The following TMEM178B variants were observed in gnomAD, a reference collection of about 807,000 sequenced individuals.
The protein encoded by TMEM178B is transmembrane protein 178B.
In TMEM178B, 5 loss-of-function variants were observed where a neutral mutation model predicts 31.0. That is an observed-to-expected ratio of 0.16 (90% CI 0.08 to 0.34). TMEM178B has a LOEUF of 0.34. TMEM178B is among the 10% of genes least tolerant of loss of function. The probability of loss-of-function intolerance (pLI) is 1.00; values close to 1 mark genes in which losing one functional copy is unlikely to be tolerated. For missense variants in TMEM178B, 275 were observed against 400.3 expected, an observed-to-expected ratio of 0.69 and a Z score of 2.67; for synonymous variants, 164 against 164.0, an observed-to-expected ratio of 1.00 and a Z score of 0.00.
At chr7:141,349,525 T>C (rs558447665) in intron 2 of TMEM178B, among the ~76,000 whole-genome samples, 72 of 152,288 alleles carry the variant, frequency 4.7e-4, no homozygotes, top group Admixed American at 2.2e-3. Flanking sequence ...GGTGCTTGGG[T>C]TGCAGCAATG....
intron 2 of TMEM178B, among the ~76,000 whole-genome samples, chr7:141,274,193 A>G (rs1354794085): frequency 6.6e-6 from 1 of 152,202 alleles, no homozygotes; most frequent in Non-Finnish European, 1.5e-5. Context: ...ACCACCTGAC[A>G]TTATAAATGG....
At chr7:141,394,079 C>T (rs147637392) in intron 2 of TMEM178B, among the ~76,000 whole-genome samples, 4 of 151,742 alleles carry the variant, frequency 2.6e-5, no homozygotes, top group East Asian at 1.9e-4. Flanking sequence ...GTCCTGATGA[C>T]GTGCAGTTGG....
At chr7:141,350,042 T>C (rs540053632) in intron 2 of TMEM178B, among the ~76,000 whole-genome samples, 1 of 152,246 alleles carries the variant, frequency 6.6e-6, no homozygotes, top group East Asian at 1.9e-4. Context: ...CATCCATCTA[T>C]CCATCCATCT....
At chr7:141,149,282 T>G (rs911491692) in intron 1 of TMEM178B, among the ~76,000 whole-genome samples, 2 of 152,140 alleles carry the variant, frequency 1.3e-5, no homozygotes, top group Non-Finnish European at 2.9e-5. Flanking sequence ...TTAGGCCAGG[T>G]GCAGTGGCTC....
chr7:141,421,670 G>T (rs1386782367), intron 2 of TMEM178B, among the ~76,000 whole-genome samples: 1 of 152,130 alleles, frequency 6.6e-6, no homozygotes, highest in Admixed American at 6.5e-5. Flanking sequence ...ATGTGACAAT[G>T]TATAGAAAAT....
intron 2 of TMEM178B, among the ~76,000 whole-genome samples, chr7:141,320,822 A>G (rs1447119645): frequency 6.6e-6 from 1 of 152,180 alleles, no homozygotes; most frequent in African/African-American, 2.4e-5. Context: ...GCTCAAGGTC[A>G]TACAGGTAAT....
At chr7:141,128,824 TCTC>T (rs766604423) in intron 1 of TMEM178B, among the ~76,000 whole-genome samples, 32 of 152,138 alleles carry the variant, frequency 2.1e-4, no homozygotes, top group Non-Finnish European at 3.7e-4. Flanking sequence ...ATTAGCCTCT[TCTC>T]CTCTGCTGTT....
intron 1 of TMEM178B, among the ~76,000 whole-genome samples, chr7:141,162,390 G>A (rs1658632826): frequency 6.6e-6 from 1 of 152,170 alleles, no homozygotes; most frequent in Non-Finnish European, 1.5e-5. Flanking sequence ...TGCTGGTTCC[G>A]GATGCTGCCC....
At chr7:141,455,546 G>A (rs1031139023) in intron 3 of TMEM178B, among the ~76,000 whole-genome samples, 1 of 152,198 alleles carries the variant, frequency 6.6e-6, no homozygotes, top group Non-Finnish European at 1.5e-5. Flanking sequence ...CTAAAGCATG[G>A]GTTTGAATCC....
At chr7:141,298,150 G>A (rs1464778022) in intron 2 of TMEM178B, among the ~76,000 whole-genome samples, 1 of 152,158 alleles carries the variant, frequency 6.6e-6, no homozygotes, top group African/African-American at 2.4e-5. Context: ...TTGCATAAAT[G>A]TCTTCTTTTG....
chr7:141,100,171 G>T (rs1490906370), intron 1 of TMEM178B, among the ~76,000 whole-genome samples: 1 of 151,544 alleles, frequency 6.6e-6, no homozygotes, highest in Non-Finnish European at 1.5e-5. Flanking sequence ...GGCAGTTTTA[G>T]AATAAGCAGA....
chr7:141,459,946 G>GAAAAAAAAAA (rs772210040), intron 3 of TMEM178B, among the ~76,000 whole-genome samples: 1 of 116,968 alleles, frequency 8.5e-6, no homozygotes. Context: ...AATAGATGGA[G>GAAAAAAAAAA]AAAAAAAAAA....
At chr7:141,459,614 G>A (rs1486233549) in intron 3 of TMEM178B, among the ~76,000 whole-genome samples, 1 of 152,230 alleles carries the variant, frequency 6.6e-6, no homozygotes, top group Non-Finnish European at 1.5e-5. Context: ...TCAGGACTAG[G>A]ATTAGAACAT....
At chr7:141,128,125 C>A (rs1586785122) in intron 1 of TMEM178B, among the ~76,000 whole-genome samples, 2 of 152,136 alleles carry the variant, frequency 1.3e-5, no homozygotes. Flanking sequence ...TACTTGGACA[C>A]CCTTGAGAAT....
intron 1 of TMEM178B, among the ~76,000 whole-genome samples, chr7:141,138,275 A>T (rs1563097502): frequency 6.6e-6 from 1 of 151,920 alleles, no homozygotes; most frequent in Non-Finnish European, 1.5e-5. Flanking sequence ...GTTAGCCAGG[A>T]TGGTCTCGAT....
At chr7:141,340,024 G>A (rs1799490022) in intron 2 of TMEM178B, among the ~76,000 whole-genome samples, 1 of 152,382 alleles carries the variant, frequency 6.6e-6, no homozygotes, top group South Asian at 2.1e-4. Flanking sequence ...TGTCAAGATA[G>A]CCACACCTTA....
Position 141,333,391 on chromosome 7 carries a change from A to G in TMEM178B, c.497-104217A>G, listed in dbSNP as rs188700500. ...AATCTCTTATTTGGCTTTTCTGCCT[A>G]TGAAACCAAATGCTCCCACACAATC... On this transcript the variant is annotated intron_variant, in intron 2 of 3. Coordinates refer to ENST00000565468, the MANE Select transcript of TMEM178B (RefSeq NM_001195278.2). Among the ~76,000 whole-genome samples the G allele has an allele frequency of 4.9e-3, 746 of 152,306 alleles. 28 individuals carry two copies. Among genetic ancestry groups the G allele is most frequent in the Admixed American group, 0.044 (671 of 15,302 alleles).
At position 141,101,908 on chromosome 7, in the gene TMEM178B, C is replaced by CGTGTGT. The variant is rs3032868; in HGVS notation, c.382+27245_382+27250dup. Among the ~76,000 whole-genome samples the CGTGTGT allele has an allele frequency of 6.7e-3, 955 of 142,788 alleles. 6 individuals are homozygous for CGTGTGT. The highest frequency in any genetic ancestry group is 0.013 in the African/African-American group (516 of 39,380). The allele number at this position is 142,788 out of a possible 152,430, so 93.7% of individuals were successfully genotyped here. Reference sequence around the variant, plus strand: ...CAGGTGCCTGGATAGTGTGTGTTAACGTGTGTGTGTGTGTGTGTGTGTGTG... The same window carrying CGTGTGT: ...CAGGTGCCTGGATAGTGTGTGTTAACGTGTGTGTGTGTGTGTGTGTGTGTGTGTGTG... On this transcript the variant is annotated intron_variant, in intron 1 of 3. Coordinates refer to ENST00000565468, the MANE Select transcript of TMEM178B (RefSeq NM_001195278.2).
rs904421739 is a variant in TMEM178B, at chr7:141,479,888, C to T, written c.*9102C>T. The T allele has an allele frequency of 6.6e-6, 1 of 152,128 alleles. No homozygotes were observed. Among genetic ancestry groups the T allele is most frequent in the African/African-American group, 2.4e-5 (1 of 41,408 alleles). The allele number at this position is 152,128 out of a possible 1,614,324, so 9.4% of individuals were successfully genotyped here. ...GCCTCTGCCCTTGGAGGCAGCAATTCCTGTGGTTATTGGTGCTAAAATAAG... is the reference window on the plus strand; with the variant it reads ...GCCTCTGCCCTTGGAGGCAGCAATTTCTGTGGTTATTGGTGCTAAAATAAG... On this transcript the variant is annotated 3_prime_UTR_variant, in exon 4 of 4. Coordinates refer to ENST00000565468, the MANE Select transcript of TMEM178B (RefSeq NM_001195278.2).
Sources: gnomAD v4.1 joint callset for allele counts (sites outside exome capture counted in the v4.1 genomes callset) on GRCh38, gnomAD v4.1.1 for gene constraint, MANE v1.5 for transcripts, NCBI Gene and HGNC (gene_info 2026-07-23, HGNC 2026-07-21) for gene names.